MAST2: variants seen among roughly 807,000 people sequenced by gnomAD.
MAST2 encodes microtubule-associated serine/threonine-protein kinase 2.
MAST2 carries 70 observed loss-of-function variants against 147.4 expected under a neutral mutation model. The ratio of observed to expected loss-of-function variants is 0.47; its 90% CI spans 0.39 to 0.58. The LOEUF is 0.58. Ranked by LOEUF, MAST2 falls within the 20% of genes least tolerant of loss-of-function variation. MAST2 has a pLI of 0.00. For missense variants in MAST2, 2,080 were observed against 2,302.3 expected, an observed-to-expected ratio of 0.90 and a Z score of 1.98; for synonymous variants, 869 against 896.8, an observed-to-expected ratio of 0.97 and a Z score of 0.55.
In MAST2 at chr1:45,850,105, G is replaced by A. The variant is rs987240882; in HGVS notation, c.468+20524G>A. On this transcript the variant is annotated intron_variant, in intron 3 of 28. Coordinates refer to ENST00000361297, the MANE Select transcript of MAST2 (RefSeq NM_015112.3). The stretch of plus-strand genomic sequence containing the variant: ...GTTCCCTTTTATCTGCAGTCTTGCC[G>A]GCATCTGTTGTTTTTTTGCTTTTTG... 3.0e-4 allele frequency among the ~76,000 whole-genome samples: 45 copies of A among 151,968 alleles called. 1 individual carries two copies. Among genetic ancestry groups the A allele is most frequent in the Admixed American group, 2.6e-4 (4 of 15,256 alleles).
intron 4 of MAST2, among the ~76,000 whole-genome samples, chr1:45,936,486 C>T (rs1656211990): frequency 6.6e-6 from 1 of 152,008 alleles, no homozygotes; most frequent in Non-Finnish European, 1.5e-5. Flanking sequence ...ATGATGTTAC[C>T]TGCAGGTTTG....
chr1:46,025,323 AAAT>A (rs372646979), intron 15 of MAST2, among the ~76,000 whole-genome samples: 5 of 152,032 alleles, frequency 3.3e-5, no homozygotes, highest in Non-Finnish European at 7.4e-5. Flanking sequence ...TGCCTCAAAA[AAAT>A]AAATAAATAA....
intron 4 of MAST2, among the ~76,000 whole-genome samples, chr1:45,913,183 T>A (rs1026061378): frequency 4.6e-5 from 7 of 152,246 alleles, no homozygotes; most frequent in African/African-American, 1.7e-4. Flanking sequence ...GTTGGTCAGA[T>A]TCGGCATTTG....
intron 4 of MAST2, among the ~76,000 whole-genome samples, chr1:45,884,408 C>T (rs1249782679): frequency 1.3e-5 from 2 of 152,168 alleles, no homozygotes; most frequent in East Asian, 1.9e-4. Context: ...AAAAATTAGC[C>T]GGGCGTCATG....
In MAST2 at chr1:45,939,989, T is replaced by TTTTGTTTTTTTTTTGTTTTTTTTG. The variant is rs776892902; in HGVS notation, c.501-19394_501-19393insGTTTTTTTTTTGTTTTTTTTGTTT. Among the ~76,000 whole-genome samples, 426 of 128,892 alleles carry TTTTGTTTTTTTTTTGTTTTTTTTG rather than the reference T, an allele frequency of 3.3e-3. 4 individuals carry two copies. Among genetic ancestry groups the TTTTGTTTTTTTTTTGTTTTTTTTG allele is most frequent in the African/African-American group, 0.012 (405 of 33,818 alleles). The allele number at this position is 128,892 out of a possible 152,430, so 84.6% of individuals were successfully genotyped here. A position where few individuals can be genotyped will look rare whatever the true frequency, so the allele number is the denominator to read the frequency against. On this transcript the variant is annotated intron_variant, in intron 4 of 28. Coordinates refer to ENST00000361297, the MANE Select transcript of MAST2 (RefSeq NM_015112.3). ...TCTCTATTTATTTAGGGTTTTTTTT[T>TTTTGTTTTTTTTTTGTTTTTTTTG]TTTTTTTTTTTTGAGATGGAGTTTC...
chr1:45,845,096 G>A lies in MAST2; in HGVS notation c.468+15515G>A, dbSNP rs141135340. On this transcript the variant is annotated intron_variant, in intron 3 of 28. Coordinates refer to ENST00000361297, the MANE Select transcript of MAST2 (RefSeq NM_015112.3). ...TGTTGCATTGGAAATTAAATTTCCA[G>A]CACATGGATTTTGGGGAACACATTC... Among the ~76,000 whole-genome samples, 241 of 152,292 alleles carry A rather than the reference G, an allele frequency of 1.6e-3. 4 individuals carry two copies. In the East Asian group the frequency reaches 0.043, roughly 27 times the overall value.
At chr1:45,914,459 C>T (rs1179869742) in intron 4 of MAST2, among the ~76,000 whole-genome samples, 1 of 152,196 alleles carries the variant, frequency 6.6e-6, no homozygotes, top group African/African-American at 2.4e-5. Flanking sequence ...AAGAGCAGCT[C>T]AGGCTTATTT....
chr1:46,007,754 AGAAAACATATCGGCT>A (rs1371564864), intron 8 of MAST2, among the ~76,000 whole-genome samples: 2 of 152,370 alleles, frequency 1.3e-5, no homozygotes, highest in Admixed American at 1.3e-4. Flanking sequence ...AAATTAAGGC[AGAAAACATATCGGCT>A]GCCTTCAGTA....
intron 4 of MAST2, among the ~76,000 whole-genome samples, chr1:45,902,025 A>G (rs978912673): frequency 5.9e-4 from 89 of 152,044 alleles, no homozygotes; most frequent in African/African-American, 2.1e-3. Flanking sequence ...GTGGAATAGG[A>G]GTAGTGGGAG....
chr1:46,035,475 A>T lies in MAST2; in HGVS notation c.4806A>T (p.Leu1602=). Residue 1602 remains leucine, a synonymous_variant, in exon 29 of 29, where the codon CTA becomes CTT. Coordinates refer to ENST00000361297, the MANE Select transcript of MAST2 (RefSeq NM_015112.3). This position sits in a 1 kb window ranked among gnomAD's most constrained non-coding sequence, Gnocchi z 5.5. The stretch of plus-strand genomic sequence containing the variant: ...GCTCCTCCTCAGCAGGCCCCAACCT[A>T]GGTCAGTCTGGAGCCACAGACCCCA... The part of the protein sequence containing the change: ...AASSSSAGPN[L]GQSGATDPIP... The T allele has an allele frequency of 1.9e-6, 3 of 1,613,224 alleles. No homozygotes were observed. The highest frequency in any genetic ancestry group is 2.2e-5 in the South Asian group (2 of 91,072).
intron 1 of MAST2, among the ~76,000 whole-genome samples, chr1:45,818,661 C>T (rs1272512774): frequency 6.6e-6 from 1 of 152,188 alleles, no homozygotes; most frequent in Non-Finnish European, 1.5e-5. Context: ...TTGTGAACTT[C>T]CGATGGTCGG....
chr1:45,831,255 T>C (rs973322045), intron 3 of MAST2, among the ~76,000 whole-genome samples: 1 of 152,144 alleles, frequency 6.6e-6, no homozygotes, highest in African/African-American at 2.4e-5. Flanking sequence ...CCTACTAATT[T>C]GTAGGGTACA....
intron 3 of MAST2, among the ~76,000 whole-genome samples, chr1:45,833,175 G>C (rs1645008440): frequency 6.6e-6 from 1 of 152,074 alleles, no homozygotes; most frequent in Non-Finnish European, 1.5e-5. Context: ...TTGTTTAGCT[G>C]TTCATCAGTT....
intron 7 of MAST2, among the ~76,000 whole-genome samples, chr1:46,005,206 T>C (rs4440807): frequency 0.45 from 67,870 of 151,898 alleles, 15,344 homozygotes; most frequent in East Asian, 0.63. Context: ...TTATTAAAAA[T>C]ACAAAATTAC....
chr1:46,007,914 T>A lies in MAST2; in HGVS notation c.903-382T>A, dbSNP rs1176363214. Among the ~76,000 whole-genome samples, 2 of 152,214 alleles carry A rather than the reference T, an allele frequency of 1.3e-5. 1 individual carries two copies. The highest frequency in any genetic ancestry group is 4.1e-4 in the South Asian group (2 of 4,836). ...CCTTTGGTTGCTTTGGTAGTTTTTT[T>A]ATTTGTTTTGTTCCCAAGAATATGC... On this transcript the variant is annotated intron_variant, in intron 8 of 28. Transcript: ENST00000361297.
At position 45,918,839 on chromosome 1, in the gene MAST2, G is replaced by A. The variant is rs190165660; in HGVS notation, c.500+36444G>A. ...ATCAAAAGATCACGCTGGGCTGGGC[G>A]CAGTGGCTTACACCTGTAATCCCAG... On this transcript the variant is annotated intron_variant, in intron 4 of 28. Coordinates refer to ENST00000361297, the MANE Select transcript of MAST2 (RefSeq NM_015112.3). 1.2e-4 allele frequency among the ~76,000 whole-genome samples: 18 copies of A among 152,266 alleles called. No homozygotes were observed. In the South Asian group the frequency reaches 3.1e-3, roughly 26 times the overall value.
rs762559363 is a variant in MAST2, at chr1:46,022,068, G to T, written c.1409G>T (p.Arg470Leu). 3.7e-6 allele frequency: 6 copies of T among 1,614,000 alleles called. No individual in the cohort carries two copies. In the East Asian group the frequency reaches 1.3e-4, roughly 36 times the overall value. Residue 470 changes from arginine to leucine, a missense_variant, in exon 12 of 29, where the codon CGG (arginine) becomes CTG (leucine). Coordinates refer to ENST00000361297, the MANE Select transcript of MAST2 (RefSeq NM_015112.3). ...RYIVSQLGLT[R>L]DPLEEMAQLS... ...ATCGTTAGCCAGCTGGGCCTCACCCGGGATCCCCTAGAAGGTGAGCATGCT... is the reference window on the plus strand; with the variant it reads ...ATCGTTAGCCAGCTGGGCCTCACCCTGGATCCCCTAGAAGGTGAGCATGCT...
In MAST2 at chr1:45,805,408, C is replaced by G. The variant is rs147820451; in HGVS notation, c.177+1336C>G. ...TTGTTCTTCCACCTCTTATTCCCCA[C>G]TGAGCCCTGAGGAGACTGCACCATT... On this transcript the variant is annotated intron_variant, in intron 1 of 28. Coordinates refer to ENST00000361297, the MANE Select transcript of MAST2 (RefSeq NM_015112.3). Among the ~76,000 whole-genome samples, 10 of 151,596 alleles carry G rather than the reference C, an allele frequency of 6.6e-5. No homozygotes were observed. In the East Asian group the frequency reaches 1.9e-3, roughly 29 times the overall value.
chr1:45,858,990 C>T (rs1237258179), intron 3 of MAST2, among the ~76,000 whole-genome samples: 1 of 152,134 alleles, frequency 6.6e-6, no homozygotes, highest in Non-Finnish European at 1.5e-5. Context: ...GGTACCAGTA[C>T]CATGCTGTTT....
Sources: gnomAD v4.1 joint callset for allele counts (sites outside exome capture counted in the v4.1 genomes callset) on GRCh38, gnomAD v4.1.1 for gene constraint, Gnocchi (gnomAD v3.1) non-coding constraint, MANE v1.5 for transcripts, NCBI Gene and HGNC (gene_info 2026-07-23, HGNC 2026-07-21) for gene names.